Variants in RAB8B observed in about 807,000 individuals in gnomAD.
RAB8B encodes the protein RAB8B, member RAS oncogene family, also known as ras-related protein Rab-8B.
In RAB8B, 11 loss-of-function variants were observed where a neutral mutation model predicts 32.0. The observed-to-expected ratio is 0.34, with a 90% CI of 0.22 to 0.57. RAB8B has a LOEUF of 0.57. Among genes scored for constraint, RAB8B ranks in the 20% least tolerant of loss-of-function variants. The pLI, the probability that RAB8B is intolerant of heterozygous loss-of-function variation, is 0.86. For synonymous variants in RAB8B, 103 were observed against 89.6 expected (o/e 1.15, Z -0.85); for missense variants, 190 against 258.5 (o/e 0.73, Z 1.82).
chr15:63,222,569 A>G (rs2037853432), intron 1 of RAB8B, among the ~76,000 whole-genome samples: 1 of 152,136 alleles, frequency 6.6e-6, no homozygotes, highest in Non-Finnish European at 1.5e-5. Context: ...ACGGAGTCTC[A>G]CTCTGTTGCT....
chr15:63,228,048 C>T (rs892541784), intron 1 of RAB8B, among the ~76,000 whole-genome samples: 1 of 151,940 alleles, frequency 6.6e-6, no homozygotes, highest in Non-Finnish European at 1.5e-5. Context: ...TTGTCACCCA[C>T]GCTGGAGCGT....
At position 63,201,444 on chromosome 15, in the gene RAB8B, A is replaced by T. The variant is rs534630203; in HGVS notation, c.124+11696A>T. On this transcript the variant is annotated intron_variant, in intron 1 of 7. Coordinates refer to ENST00000321437, the MANE Select transcript of RAB8B (RefSeq NM_016530.3). ...AGATAGCATAGCCCTTGAAGGAGGA[A>T]CTTGAAGACATCTTGTTTGGCTGAA... Among the ~76,000 whole-genome samples, 6 of 152,264 alleles carry T rather than the reference A, an allele frequency of 3.9e-5. No homozygotes were observed. The East Asian group carries it at 1.2e-3, about 29-fold the overall frequency.
chr15:63,197,370 CTTTTTTTT>C (rs58765418), intron 1 of RAB8B, among the ~76,000 whole-genome samples: 2 of 61,450 alleles, frequency 3.3e-5, no homozygotes, highest in East Asian at 1.2e-3. Context: ...TCTTTCTTTT[CTTTTTTTT>C]TTTTTTTTTT....
At chr15:63,242,941 T>C (rs1490984551) in intron 1 of RAB8B, among the ~76,000 whole-genome samples, 1 of 152,216 alleles carries the variant, frequency 6.6e-6, no homozygotes, top group Non-Finnish European at 1.5e-5. Flanking sequence ...TCTATTTTTA[T>C]TACATTGTAA....
At chr15:63,210,782 C>CT (rs1268332368) in intron 1 of RAB8B, among the ~76,000 whole-genome samples, 5 of 151,914 alleles carry the variant, frequency 3.3e-5, no homozygotes, top group Admixed American at 6.6e-5. Context: ...CATTCTTGGC[C>CT]TTTTTTTTAC....
chr15:63,222,789 C>T (rs1435493386), intron 1 of RAB8B, among the ~76,000 whole-genome samples: 5 of 152,178 alleles, frequency 3.3e-5, no homozygotes, highest in Admixed American at 3.3e-4. Context: ...GATCCTCCCG[C>T]TTTGGCCTCC....
intron 5 of RAB8B, among the ~76,000 whole-genome samples, chr15:63,256,897 G>A (rs975839461): frequency 6.6e-6 from 1 of 152,180 alleles, no homozygotes; most frequent in African/African-American, 2.4e-5. Flanking sequence ...CCAGATCTGT[G>A]TGAAAATGCC....
intron 3 of RAB8B, among the ~76,000 whole-genome samples, chr15:63,254,883 G>A (rs772973116): frequency 1.1e-4 from 17 of 152,150 alleles, no homozygotes; most frequent in Non-Finnish European, 4.4e-5. Flanking sequence ...CTGCACTCCA[G>A]CCTGGGTGAC....
intron 1 of RAB8B, among the ~76,000 whole-genome samples, chr15:63,214,644 T>TA (rs1347614527): frequency 6.6e-6 from 1 of 152,138 alleles, no homozygotes; most frequent in Non-Finnish European, 1.5e-5. Context: ...CAACCGTTTC[T>TA]AACACTTCAC....
rs1278190439 is a variant in RAB8B at position 63,232,195 on chromosome 15, CAT to C, written c.125-12559_125-12558del. On this transcript the variant is annotated intron_variant, in intron 1 of 7. Transcript: ENST00000321437. ...GAAACCTTTTATTTATGATTCAACACATAGTTATATTTTAGTAGTTATCATTT... is the reference window on the plus strand; with the variant it reads ...GAAACCTTTTATTTATGATTCAACACAGTTATATTTTAGTAGTTATCATTT... 3.3e-5 allele frequency among the ~76,000 whole-genome samples: 5 copies of C among 152,176 alleles called. No individual in the cohort carries two copies. The South Asian group carries it at 8.3e-4, about 25-fold the overall frequency.
intron 1 of RAB8B, among the ~76,000 whole-genome samples, chr15:63,214,365 C>G (rs757210957): frequency 1.4e-5 from 2 of 143,406 alleles, no homozygotes; most frequent in Non-Finnish European, 3.0e-5. Context: ...GATCTCGGCT[C>G]ACTGTAGCCT....
At chr15:63,212,713 G>A (rs915887334) in intron 1 of RAB8B, among the ~76,000 whole-genome samples, 2 of 152,138 alleles carry the variant, frequency 1.3e-5, no homozygotes, top group African/African-American at 2.4e-5. Flanking sequence ...AAATATTTCC[G>A]TATTCCCTAA....
intron 1 of RAB8B, among the ~76,000 whole-genome samples, chr15:63,198,355 C>T (rs1366289353): frequency 6.6e-6 from 1 of 152,152 alleles, no homozygotes; most frequent in Non-Finnish European, 1.5e-5. Flanking sequence ...GAGCTCTCAT[C>T]TTCCTCAGCC....
In RAB8B at chr15:63,266,639, C is replaced by T. The variant is rs2038250189; in HGVS notation, c.*3020C>T. 1 of 152,546 alleles carries T rather than the reference C, an allele frequency of 6.6e-6. No individual in the cohort carries two copies. The highest frequency in any genetic ancestry group is 2.4e-5 in the African/African-American group (1 of 41,446). 9.4% of individuals were successfully genotyped at this position (152,546 alleles called of 1,614,324 possible). A position where few individuals can be genotyped will look rare whatever the true frequency, so the allele number is the denominator to read the frequency against. On this transcript the variant is annotated 3_prime_UTR_variant, in exon 8 of 8. Coordinates refer to ENST00000321437, the MANE Select transcript of RAB8B (RefSeq NM_016530.3). ...TTGTTTTGTTTTGAACTGAAGACATCATTGGGAAAGGTAGGAAATATTAGT... is the reference window on the plus strand; with the variant it reads ...TTGTTTTGTTTTGAACTGAAGACATTATTGGGAAAGGTAGGAAATATTAGT...
intron 3 of RAB8B, among the ~76,000 whole-genome samples, chr15:63,250,320 C>G (rs960165026): frequency 2.6e-5 from 4 of 152,146 alleles, no homozygotes; most frequent in Non-Finnish European, 4.4e-5. Flanking sequence ...TAGCAAACCA[C>G]AAGCCCTATG....
chr15:63,255,338 GTATT>G (rs1214823548), intron 3 of RAB8B, among the ~76,000 whole-genome samples, 165 bp from the exon 4 acceptor site: 5 of 152,152 alleles, frequency 3.3e-5, no homozygotes, highest in African/African-American at 1.2e-4. Flanking sequence ...AGTGGAATAA[GTATT>G]TATTGATTTT....
At chr15:63,254,870 C>A (rs1253998258) in intron 3 of RAB8B, among the ~76,000 whole-genome samples, 1 of 151,928 alleles carries the variant, frequency 6.6e-6, no homozygotes, top group Non-Finnish European at 1.5e-5. Context: ...GGAGATCATG[C>A]CACTGCACTC....
At chr15:63,202,887 C>G (rs192978810) in intron 1 of RAB8B, among the ~76,000 whole-genome samples, 2 of 152,292 alleles carry the variant, frequency 1.3e-5, no homozygotes, top group Non-Finnish European at 2.9e-5. Context: ...CAGAGAAACC[C>G]GAGCAACTCA....
intron 1 of RAB8B, among the ~76,000 whole-genome samples, chr15:63,221,103 G>A (rs1319508998): frequency 6.6e-6 from 1 of 152,212 alleles, no homozygotes; most frequent in Admixed American, 6.5e-5. Flanking sequence ...TCAGGATTCA[G>A]ATGGAAAGGA....
Sources: allele counts gnomAD v4.1 joint callset (sites outside exome capture counted in the v4.1 genomes callset), GRCh38; gene constraint gnomAD v4.1.1; transcripts MANE v1.5; gene names NCBI Gene and HGNC (gene_info 2026-07-23, HGNC 2026-07-21).